The following STK32C variants were observed in gnomAD, a reference collection of about 807,000 sequenced individuals.
STK32C encodes serine/threonine-protein kinase 32C.
STK32C carries 31 observed loss-of-function variants against 56.5 expected under a neutral mutation model. The observed-to-expected ratio is 0.55, with a 90% confidence interval of 0.41 to 0.74. The LOEUF is 0.74. STK32C is among the 30% of genes least tolerant of loss of function. The pLI is 0.00. For missense variants in STK32C, 544 were observed against 676.9 expected (o/e 0.80, Z 2.18); for synonymous variants, 309 against 289.4 (o/e 1.07, Z -0.69).
At chr10:132,248,668 G>A (rs1236070754) in intron 1 of STK32C, among the ~76,000 whole-genome samples, 1 of 152,212 alleles carries the variant, frequency 6.6e-6, no homozygotes, top group Non-Finnish European at 1.5e-5. Flanking sequence ...TGCCTAGGAC[G>A]GCCACATGGC....
chr10:132,235,056 C>G (rs9664407), intron 2 of STK32C, among the ~76,000 whole-genome samples: 112,568 of 151,884 alleles, frequency 0.74, 41,791 homozygotes, highest in Admixed American at 0.8. Context: ...TATGAACTGT[C>G]TGAGTGGTGT....
chr10:132,225,671 G>A (rs369505380), intron 5 of STK32C, 55 bp from the exon 6 acceptor site: 57 of 1,609,222 alleles, frequency 3.5e-5, no homozygotes, highest in African/African-American at 5.3e-5. Flanking sequence ...GCATCCTTGC[G>A]TGCAGGATCC....
chr10:132,225,892 G>C (rs373703936), intron 4 of STK32C, 108 bp from the exon 5 acceptor site: 3 of 1,413,832 alleles, frequency 2.1e-6, no homozygotes, highest in Non-Finnish European at 3.0e-6. Context: ...CAACCCACTC[G>C]AGGCAGAGGC....
intron 1 of STK32C, among the ~76,000 whole-genome samples, chr10:132,276,383 C>A (rs1255534365): frequency 6.6e-6 from 1 of 152,204 alleles, no homozygotes; most frequent in Non-Finnish European, 1.5e-5. Flanking sequence ...GGGTCAGCAC[C>A]TGTGCCAGCT....
intron 2 of STK32C, among the ~76,000 whole-genome samples, chr10:132,242,307 G>GT (rs1378329089): frequency 6.6e-6 from 1 of 152,124 alleles, no homozygotes; most frequent in Non-Finnish European, 1.5e-5. Flanking sequence ...CACGGGACGA[G>GT]TGGGGGGAGT....
intron 10 of STK32C, among the ~76,000 whole-genome samples, chr10:132,221,859 C>T (rs916289416): frequency 6.4e-5 from 7 of 110,014 alleles, no homozygotes; most frequent in African/African-American, 9.0e-5. Context: ...GAGGGCTTCA[C>T]GTGGCCATCC....
chr10:132,307,581 T>A lies in STK32C; in HGVS notation c.253A>T (p.Lys85Ter). The part of the protein sequence containing the change: ...ATARRPVFDD[K>*]EDVNFDHFQI... ...CCGTGCCCGCACTCACCGTCCTCCT[T>A]GTCGTCAAACACCGGCCTCCGCGCG... Residue 85 changes from lysine to a stop codon, truncating the protein, a stop_gained, in exon 1 of 12, where the codon AAG becomes TAG. Transcript: ENST00000298630. LOFTEE classifies it high-confidence loss of function. The surrounding 1 kb of genome is among the most constrained non-coding windows in gnomAD (Gnocchi z 4.4). 6.6e-7 allele frequency: 1 copy of A among 1,524,296 alleles called. No homozygotes were observed. The highest frequency in any genetic ancestry group is 8.8e-7 in the Non-Finnish European group (1 of 1,134,552). 94.4% of individuals were successfully genotyped at this position (1,524,296 alleles called of 1,614,324 possible). A position where few individuals can be genotyped will look rare whatever the true frequency, so the allele number is the denominator to read the frequency against.
intron 1 of STK32C, among the ~76,000 whole-genome samples, chr10:132,305,908 C>G (rs2066044855): frequency 6.6e-6 from 1 of 152,198 alleles, no homozygotes; most frequent in Non-Finnish European, 1.5e-5. Flanking sequence ...GCATACCAAG[C>G]CATACGGAGC....
intron 1 of STK32C, among the ~76,000 whole-genome samples, chr10:132,290,403 C>T (rs190792093): frequency 8.1e-4 from 123 of 152,364 alleles, no homozygotes; most frequent in Admixed American, 1.3e-3. Context: ...TAACCCGGCC[C>T]CTGCCCACAT....
At chr10:132,308,758 G>C (rs2066162158), upstream of STK32C, among the ~76,000 whole-genome samples, 1 of 152,172 alleles carries the variant, frequency 6.6e-6, no homozygotes, top group Non-Finnish European at 1.5e-5. Flanking sequence ...CAGGGGCCTC[G>C]GCACTCGGCG....
intron 10 of STK32C, among the ~76,000 whole-genome samples, chr10:132,220,774 G>A (rs1225397863): frequency 6.6e-6 from 1 of 152,200 alleles, no homozygotes; most frequent in Non-Finnish European, 1.5e-5. Context: ...CCAGAAGCAG[G>A]AAACAGAGCT....
chr10:132,294,465 G>A (rs1403700786), intron 1 of STK32C, among the ~76,000 whole-genome samples: 1 of 152,158 alleles, frequency 6.6e-6, no homozygotes, highest in Non-Finnish European at 1.5e-5. Flanking sequence ...TTTGAGTTTT[G>A]CTGAAAATGG....
intron 8 of STK32C, among the ~76,000 whole-genome samples, chr10:132,223,851 G>A (rs1363863057): frequency 6.6e-6 from 1 of 152,202 alleles, no homozygotes; most frequent in Admixed American, 6.5e-5. Flanking sequence ...GAGCTGTGCA[G>A]CCCAGTCAAG....
In STK32C at chr10:132,233,610, G is replaced by A. The variant is rs112837982; in HGVS notation, c.319-5482C>T. Among the ~76,000 whole-genome samples, 18 of 152,318 alleles carry A rather than the reference G, an allele frequency of 1.2e-4. 1 individual carries two copies. The highest frequency in any genetic ancestry group is 4.3e-4 in the African/African-American group (18 of 41,580). On this transcript the variant is annotated intron_variant, in intron 2 of 11. Transcript: ENST00000298630. ...GTGGCGGCTGTAGTGGCCATGCTGC[G>A]ATGGCACCACCTGGCACTGAGGCTC...
chr10:132,291,890 C>T lies in STK32C; in HGVS notation c.262+15682G>A, dbSNP rs1437191939. 3.9e-5 allele frequency among the ~76,000 whole-genome samples: 6 copies of T among 152,300 alleles called. No individual in the cohort carries two copies. The South Asian group carries it at 8.3e-4, about 21-fold the overall frequency. ...ATTCCTAACCTCCTGCCCTGGCAAGCCTGATGCTGACAGCGAGAGGTGGTG... is the reference window on the plus strand; with the variant it reads ...ATTCCTAACCTCCTGCCCTGGCAAGTCTGATGCTGACAGCGAGAGGTGGTG... On this transcript the variant is annotated intron_variant, in intron 1 of 11. Coordinates refer to ENST00000298630, the MANE Select transcript of STK32C (RefSeq NM_173575.4).
chr10:132,314,965 T>C (rs1428661751), intron 1 of STK32C, among the ~76,000 whole-genome samples: 1 of 151,918 alleles, frequency 6.6e-6, no homozygotes, highest in Non-Finnish European at 1.5e-5. Context: ...AGAAACCCCA[T>C]CTCTACTAAA....
rs539213855 is a variant in STK32C, at chr10:132,221,543, G to T, written c.1251+1098C>A. 1.4e-3 allele frequency among the ~76,000 whole-genome samples: 184 copies of T among 130,966 alleles called. 5 individuals carry two copies. In the South Asian group the frequency reaches 0.048, roughly 34 times the overall value. The allele number at this position is 130,966 out of a possible 152,430, so 85.9% of individuals were successfully genotyped here. A position where few individuals can be genotyped will look rare whatever the true frequency, so the allele number is the denominator to read the frequency against. The stretch of plus-strand genomic sequence containing the variant: ...CTAATATCAACGCACCTGGGCAAGT[G>T]TGAGGGCTTCACGTGGCCATCCCCG... On this transcript the variant is annotated intron_variant, in intron 10 of 11. Coordinates refer to ENST00000298630, the MANE Select transcript of STK32C (RefSeq NM_173575.4).
upstream of STK32C, chr10:132,331,871 GCGCAGGCGCA>G (rs1564813045): frequency 1.0e-5 from 13 of 1,280,370 alleles, no homozygotes; most frequent in Non-Finnish European, 1.3e-5. Context: ...CCGCGTGCGT[GCGCAGGCGCA>G]CCACCCCCTG....
rs1333588736 is a variant in STK32C, at chr10:132,228,281, G to A, written c.319-153C>T. 4 of 853,258 alleles carry A rather than the reference G, an allele frequency of 4.7e-6. No homozygotes were observed. In the East Asian group the frequency reaches 1.0e-4, roughly 22 times the overall value. 52.9% of individuals were successfully genotyped at this position (853,258 alleles called of 1,614,324 possible). ...GCAGCCCCTCTGCCTCCTAGACGCG[G>A]CAGGTGCATTCCTCTCTGCCACATA... is the stretch of plus-strand genomic sequence containing the variant. On this transcript the variant is annotated intron_variant, in intron 2 of 11. Coordinates refer to ENST00000298630, the MANE Select transcript of STK32C (RefSeq NM_173575.4).
Sources: allele counts gnomAD v4.1 joint callset (sites outside exome capture counted in the v4.1 genomes callset), GRCh38; gene constraint gnomAD v4.1.1; non-coding constraint Gnocchi (gnomAD v3.1); transcripts MANE v1.5; gene names NCBI Gene and HGNC (gene_info 2026-07-23, HGNC 2026-07-21).